The following TTC34 variants were observed in gnomAD, a reference collection of about 807,000 sequenced individuals.
TTC34 encodes tetratricopeptide repeat protein 34.
Under a neutral mutation model 40.7 loss-of-function variants are expected in TTC34, and 44 were observed. That is an observed-to-expected ratio of 1.08 (90% CI 0.85 to 1.39). The LOEUF (loss-of-function observed/expected upper bound fraction) is 1.39, where lower values mean the gene tolerates loss of function less well. Ranked by LOEUF, TTC34 falls within the 40% of genes most tolerant of loss-of-function variation. TTC34 has a pLI of 0.00. For missense variants in TTC34, 884 were observed against 838.0 expected, an observed-to-expected ratio of 1.05 and a Z score of -0.68; for synonymous variants, 422 against 398.6, an observed-to-expected ratio of 1.06 and a Z score of -0.70.
chr1:2,677,614 C>T (rs200266142), intron 6 of TTC34, among the ~76,000 whole-genome samples: 1 of 82,436 alleles, frequency 1.2e-5, no homozygotes. Context: ...GCTGCCCCCC[C>T]AGGTGAGCAT....
rs1316353434 is a variant in TTC34, at chr1:2,798,728, C to T, written c.784+1316G>A. Reference sequence around the variant, plus strand: ...GTCCCAGCCTCTCAGCCTCTCAGCCCCTCAGCCCCCCAGCCTCCCAGCCTC... The same window carrying T: ...GTCCCAGCCTCTCAGCCTCTCAGCCTCTCAGCCCCCCAGCCTCCCAGCCTC... On this transcript the variant is annotated intron_variant, in intron 2 of 8. Transcript: ENST00000401095. Among the ~76,000 whole-genome samples the T allele has an allele frequency of 1.7e-4, 19 of 114,854 alleles. 1 individual carries two copies. Among genetic ancestry groups the T allele is most frequent in the African/African-American group, 6.0e-4 (18 of 29,850 alleles). The allele number at this position is 114,854 out of a possible 152,430, so 75.3% of individuals were successfully genotyped here.
intron 6 of TTC34, among the ~76,000 whole-genome samples, chr1:2,698,644 A>ACT (rs1640979752): frequency 5.9e-5 from 2 of 33,798 alleles, no homozygotes; most frequent in African/African-American, 2.1e-4. Context: ...AACAGCACCC[A>ACT]CACCGCCAGG....
intron 6 of TTC34, among the ~76,000 whole-genome samples, chr1:2,759,974 A>G (rs1641641809): frequency 1.4e-5 from 2 of 141,220 alleles, no homozygotes; most frequent in African/African-American, 5.7e-5. Context: ...CCAGGTGAGC[A>G]TCTGATGGTC....
chr1:2,755,599 G>A (rs1222713406), intron 6 of TTC34, among the ~76,000 whole-genome samples: 6 of 122,260 alleles, frequency 4.9e-5, no homozygotes, highest in Admixed American at 1.7e-4. Flanking sequence ...GCGAGCATCC[G>A]ACAGCCTGGA....
chr1:2,686,730 C>T (rs372068835), intron 6 of TTC34, among the ~76,000 whole-genome samples: 51 of 9,564 alleles, frequency 5.3e-3, no homozygotes, highest in East Asian at 0.01. Context: ...CACCCCCAGG[C>T]GAGCATCTGA....
At chr1:2,761,323 A>C (rs1170076278) in intron 6 of TTC34, among the ~76,000 whole-genome samples, 260 of 46,190 alleles carry the variant, frequency 5.6e-3, no homozygotes, top group South Asian at 9.1e-3. Flanking sequence ...AGCACCCACA[A>C]CCCCAGGTGA....
At position 2,645,507 on chromosome 1, in the gene TTC34, A is replaced by G; in HGVS notation, c.2283T>C (p.Pro761=). The G allele has an allele frequency of 7.5e-7, 1 of 1,328,700 alleles. No homozygotes were observed. 82.3% of individuals were successfully genotyped at this position (1,328,700 alleles called of 1,614,324 possible). A position where few individuals can be genotyped will look rare whatever the true frequency, so the allele number is the denominator to read the frequency against. ...CTTCCGGCTTCAGAGAGCGGAGCTC[A>G]GGGACCACAGTCCCGGGGCCGAGCT... The change falls in exon 7 of 9, where the codon CCT becomes CCC. Residue 761 remains proline (P), a synonymous_variant. Coordinates refer to ENST00000401095, the Ensembl canonical transcript of TTC34. The surrounding 1 kb of genome is among the most constrained non-coding windows in gnomAD (Gnocchi z 4.7).
chr1:2,757,023 GC>G (rs1641529468), intron 6 of TTC34, among the ~76,000 whole-genome samples: 1 of 40,900 alleles, frequency 2.4e-5, no homozygotes, highest in African/African-American at 1.2e-4. Flanking sequence ...AACAGCACGC[GC>G]ACCCCCAGGT....
chr1:2,637,440 C>A (rs144340752), exon 9 of TTC34: 1 of 152,280 alleles, frequency 6.6e-6, no homozygotes, highest in Admixed American at 6.5e-5. Flanking sequence ...AGGTGGGGTC[C>A]GGGGATTAGG....
intron 6 of TTC34, among the ~76,000 whole-genome samples, chr1:2,683,131 G>T (rs1342557728): frequency 7.3e-6 from 1 of 136,714 alleles, no homozygotes; most frequent in Admixed American, 7.3e-5. Context: ...GCATTTGACA[G>T]CCTGGAACAG....
intron 6 of TTC34, among the ~76,000 whole-genome samples, chr1:2,687,132 T>G (rs1640398179): frequency 7.6e-6 from 1 of 130,928 alleles, no homozygotes; most frequent in Non-Finnish European, 1.5e-5. Flanking sequence ...CACCCACAGG[T>G]GAGCATCTGA....
At chr1:2,684,611 C>G (rs1166925255) in intron 6 of TTC34, among the ~76,000 whole-genome samples, 1 of 125,280 alleles carries the variant, frequency 8.0e-6, no homozygotes, top group Non-Finnish European at 1.6e-5. Context: ...AGGTGAGCAT[C>G]TGACCGCATG....
rs1201141937 is a variant in TTC34, at chr1:2,683,148, C to G, written c.2227-37585G>C. ...ATTTGACAGCCTGGAACAGCACGCA[C>G]AGCCCCAGGAGAGCATCCGGCAGCC... On this transcript the variant is annotated intron_variant, in intron 6 of 8. Transcript: ENST00000401095. 3.0e-5 allele frequency among the ~76,000 whole-genome samples: 4 copies of G among 132,992 alleles called. 1 individual carries two copies. The highest frequency in any genetic ancestry group is 4.3e-4 in the East Asian group (2 of 4,598). 87.2% of individuals were successfully genotyped at this position (132,992 alleles called of 152,430 possible).
intron 7 of TTC34, 53 bp from the exon 8 acceptor site, chr1:2,644,531 A>G (rs980057156): frequency 2.5e-5 from 37 of 1,488,852 alleles, no homozygotes; most frequent in Non-Finnish European, 3.1e-5. Context: ...CAGAGGTGCG[A>G]GAGAGCTGAG....
At chr1:2,794,220 T>C (rs866706583) in intron 2 of TTC34, among the ~76,000 whole-genome samples, 5 of 152,178 alleles carry the variant, frequency 3.3e-5, no homozygotes, top group African/African-American at 1.2e-4. Context: ...TTGCCCAGGC[T>C]GGTGTCAGAC....
chr1:2,647,064 G>A (rs1639032511), intron 6 of TTC34, among the ~76,000 whole-genome samples: 2 of 152,032 alleles, frequency 1.3e-5, no homozygotes, highest in Non-Finnish European at 1.5e-5. Context: ...CACCCCTCTG[G>A]TTGCTTTTAA....
intron 6 of TTC34, among the ~76,000 whole-genome samples, chr1:2,777,277 G>A (rs1310515142): frequency 1.6e-5 from 2 of 125,348 alleles, no homozygotes; most frequent in Non-Finnish European, 3.3e-5. Context: ...TGACAACCTG[G>A]AGCAGCACCC....
At chr1:2,797,395 G>A (rs148576548) in intron 2 of TTC34, among the ~76,000 whole-genome samples, 3 of 152,162 alleles carry the variant, frequency 2.0e-5, no homozygotes, top group African/African-American at 4.8e-5. Flanking sequence ...AGGATGCCTC[G>A]TGGCCCCACT....
chr1:2,755,785 C>T lies in TTC34; in HGVS notation c.2226+27824G>A, dbSNP rs1641484890. Among the ~76,000 whole-genome samples the T allele has an allele frequency of 2.9e-5, 4 of 137,946 alleles. 1 individual carries two copies. The highest frequency in any genetic ancestry group is 8.6e-5 in the African/African-American group (3 of 34,728). 90.5% of individuals were successfully genotyped at this position (137,946 alleles called of 152,430 possible). Reference sequence around the variant, plus strand: ...GACAGCCTGGAACGGCACCCACACCCCCAGGTGAGCATCTGATGGTCTGGA... The same window carrying T: ...GACAGCCTGGAACGGCACCCACACCTCCAGGTGAGCATCTGATGGTCTGGA... On this transcript the variant is annotated intron_variant, in intron 6 of 8. Coordinates refer to ENST00000401095, the Ensembl canonical transcript of TTC34.
Sources: gnomAD v4.1 joint callset for allele counts (sites outside exome capture counted in the v4.1 genomes callset) on GRCh38, gnomAD v4.1.1 for gene constraint, Gnocchi (gnomAD v3.1) non-coding constraint, MANE v1.5 for transcripts, NCBI Gene and HGNC (gene_info 2026-07-23, HGNC 2026-07-21) for gene names.